The following ASAP1 variants were observed in gnomAD, a reference collection of about 807,000 sequenced individuals.
ASAP1 encodes ArfGAP with SH3 domain, ankyrin repeat and PH domain 1, also known as arf-GAP with SH3 domain, ANK repeat and PH domain-containing protein 1.
In ASAP1, 43 loss-of-function variants were observed where a neutral mutation model predicts 145.2. The ratio of observed to expected loss-of-function variants is 0.30; its 90% confidence interval spans 0.23 to 0.38. The LOEUF is 0.38. ASAP1 is among the 10% of genes least tolerant of loss of function. The pLI is 1.00. For missense variants in ASAP1, 1,018 were observed against 1,355.3 expected, an observed-to-expected ratio of 0.75 and a Z score of 3.91; for synonymous variants, 546 against 515.5, an observed-to-expected ratio of 1.06 and a Z score of -0.80.
At chr8:130,168,862 TGTC>T (rs1487541524) in intron 10 of ASAP1, 127 bp downstream of exon 10, 6 of 536,424 alleles carry the variant, frequency 1.1e-5, no homozygotes, top group African/African-American at 1.9e-5. Context: ...AAGGGTTATC[TGTC>T]CTAGGTTTGT....
intron 3 of ASAP1, among the ~76,000 whole-genome samples, chr8:130,336,629 C>T (rs1186638967): frequency 6.6e-6 from 1 of 152,156 alleles, no homozygotes; most frequent in Non-Finnish European, 1.5e-5. Flanking sequence ...TCATGTGATG[C>T]ATCAAAGAGA....
At chr8:130,276,004 G>A (rs1255531420) in intron 3 of ASAP1, among the ~76,000 whole-genome samples, 4 of 152,216 alleles carry the variant, frequency 2.6e-5, no homozygotes, top group Admixed American at 2.0e-4. Context: ...ATGACAGAGT[G>A]ATCAAGGAAA....
chr8:130,291,879 C>T (rs944246698), intron 3 of ASAP1, among the ~76,000 whole-genome samples: 3 of 152,146 alleles, frequency 2.0e-5, no homozygotes, highest in African/African-American at 7.2e-5. Context: ...TCACTGCTTA[C>T]GAGGGGACAC....
At chr8:130,189,285 C>A (rs1410867944) in intron 5 of ASAP1, among the ~76,000 whole-genome samples, 5 of 152,058 alleles carry the variant, frequency 3.3e-5, no homozygotes, top group Non-Finnish European at 7.4e-5. Flanking sequence ...TATTTTTGTA[C>A]CTAATAACCA....
Position 130,112,257 on chromosome 8 carries a change from G to T in ASAP1, c.2238C>A (p.Ser746=). The part of the protein sequence containing the change: ...PQSFCHSSSI[S]PQDKLALPGF... ...CTGGCAGTGCCAGCTTGTCCTGGGGGGAGATGCTGGAGGAGTGGCAGAAGC... is the reference window on the plus strand; with the variant it reads ...CTGGCAGTGCCAGCTTGTCCTGGGGTGAGATGCTGGAGGAGTGGCAGAAGC... The change falls in exon 24 of 30, where the codon TCC becomes TCA. Residue 746 remains serine, a synonymous_variant. Coordinates refer to ENST00000518721, the MANE Select transcript of ASAP1 (RefSeq NM_018482.4). 1 of 1,614,212 alleles carries T rather than the reference G, an allele frequency of 6.2e-7. No individual in the cohort carries two copies. The highest frequency in any genetic ancestry group is 8.5e-7 in the Non-Finnish European group (1 of 1,180,050).
intron 4 of ASAP1, among the ~76,000 whole-genome samples, chr8:130,226,344 A>G (rs973938336): frequency 2.0e-4 from 30 of 152,128 alleles, no homozygotes; most frequent in African/African-American, 6.3e-4. Context: ...TTTCTTATCT[A>G]TAACACTAAT....
chr8:130,224,486 T>C (rs1028671548), intron 4 of ASAP1, among the ~76,000 whole-genome samples: 2 of 152,108 alleles, frequency 1.3e-5, no homozygotes, highest in African/African-American at 4.8e-5. Flanking sequence ...CTCCTTAAGA[T>C]AAGCAAAGTT....
At chr8:130,376,650 A>G (rs1192471174) in intron 2 of ASAP1, among the ~76,000 whole-genome samples, 1 of 151,952 alleles carries the variant, frequency 6.6e-6, no homozygotes, top group African/African-American at 2.4e-5. Flanking sequence ...CGCTTGAACC[A>G]GGGAGTCAGG....
chr8:130,411,215 C>T (rs1341812997), intron 1 of ASAP1, among the ~76,000 whole-genome samples: 1 of 152,190 alleles, frequency 6.6e-6, no homozygotes, highest in African/African-American at 2.4e-5. Context: ...GATGCCCACA[C>T]ACAATGCCTT....
At chr8:130,434,772 G>A (rs980262131) in intron 1 of ASAP1, among the ~76,000 whole-genome samples, 1 of 152,088 alleles carries the variant, frequency 6.6e-6, no homozygotes, top group African/African-American at 2.4e-5. Context: ...TCTCTGTGAC[G>A]GCTCGGCCCA....
intron 24 of ASAP1, among the ~76,000 whole-genome samples, chr8:130,093,734 T>C (rs1293305938): frequency 6.8e-6 from 1 of 147,182 alleles, no homozygotes; most frequent in Non-Finnish European, 1.5e-5. Flanking sequence ...CACAGATTAG[T>C]AGATACCTAG....
At chr8:130,092,653 G>C (rs1394885228) in intron 24 of ASAP1, among the ~76,000 whole-genome samples, 4 of 152,046 alleles carry the variant, frequency 2.6e-5, no homozygotes, top group Admixed American at 2.6e-4. Context: ...GTGCTTTTAG[G>C]AACAAAATGC....
intron 2 of ASAP1, chr8:130,361,151 A>G (rs1157082756): frequency 1.2e-5 from 2 of 161,178 alleles, no homozygotes; most frequent in Admixed American, 5.8e-5. Flanking sequence ...GGTTCCTTCC[A>G]TCTTCTTCAT....
intron 3 of ASAP1, among the ~76,000 whole-genome samples, chr8:130,302,808 C>T (rs1053702182): frequency 2.0e-5 from 3 of 152,196 alleles, no homozygotes; most frequent in Non-Finnish European, 2.9e-5. Flanking sequence ...TCTTCTGGTG[C>T]AATCACTTCT....
At chr8:130,281,021 T>C (rs1294990529) in intron 3 of ASAP1, among the ~76,000 whole-genome samples, 1 of 152,142 alleles carries the variant, frequency 6.6e-6, no homozygotes, top group Non-Finnish European at 1.5e-5. Context: ...AAATAACAAA[T>C]AGGTTTAGAG....
chr8:130,283,353 GGTGGATC>G (rs1171975650), intron 3 of ASAP1, among the ~76,000 whole-genome samples: 1 of 152,140 alleles, frequency 6.6e-6, no homozygotes, highest in Non-Finnish European at 1.5e-5. Context: ...GGCTGAGGCG[GGTGGATC>G]ACGAGGTCAA....
At chr8:130,065,585 T>C (rs747717821) in intron 27 of ASAP1, among the ~76,000 whole-genome samples, 2 of 152,202 alleles carry the variant, frequency 1.3e-5, no homozygotes, top group Admixed American at 1.3e-4. Flanking sequence ...GTGGACACTA[T>C]AAACCAGGAA....
intron 3 of ASAP1, among the ~76,000 whole-genome samples, chr8:130,255,063 A>G (rs1819426055): frequency 6.6e-6 from 1 of 152,200 alleles, no homozygotes; most frequent in African/African-American, 2.4e-5. Flanking sequence ...CTCGAAAGTC[A>G]TCTCCCAAAT....
chr8:130,269,459 T>G (rs1820460595), intron 3 of ASAP1, among the ~76,000 whole-genome samples: 1 of 152,248 alleles, frequency 6.6e-6, no homozygotes, highest in African/African-American at 2.4e-5. Flanking sequence ...TGTCTACACA[T>G]GCTCACAGGG....
Sources: allele counts gnomAD v4.1 joint callset (sites outside exome capture counted in the v4.1 genomes callset), GRCh38; gene constraint gnomAD v4.1.1; transcripts MANE v1.5; gene names NCBI Gene and HGNC (gene_info 2026-07-23, HGNC 2026-07-21).